Variants in ROBO1 observed in about 807,000 individuals in gnomAD.
ROBO1 encodes the protein roundabout guidance receptor 1, also known as roundabout homolog 1.
Under a neutral mutation model 195.9 loss-of-function variants are expected in ROBO1, and 149 were observed. The observed-to-expected ratio is 0.76, with a 90% confidence interval of 0.67 to 0.87. The LOEUF (loss-of-function observed/expected upper bound fraction) is 0.87. Ranked by LOEUF, ROBO1 falls within the 40% of genes least tolerant of loss-of-function variation. The probability of loss-of-function intolerance (pLI) is 0.00; values close to 1 mark genes in which losing one functional copy is unlikely to be tolerated. For synonymous variants in ROBO1, 816 were observed against 733.2 expected (o/e 1.11, Z -1.82); for missense variants, 1,933 against 2,068.3 (o/e 0.93, Z 1.27).
In ROBO1 at chr3:78,946,282, G is replaced by A. The variant is rs190991628; in HGVS notation, c.173-7355C>T. ...AAGGGCAGCCAGGGAGAAAGGTCGG[G>A]TTACCCACAAAGGGAAGCCCACCAG... is the stretch of plus-strand genomic sequence containing the variant. On this transcript the variant is annotated intron_variant, in intron 3 of 30. Transcript: ENST00000464233. Among the ~76,000 whole-genome samples the A allele has an allele frequency of 4.3e-4, 65 of 152,258 alleles. 1 individual carries two copies. The East Asian group carries it at 0.012, about 28-fold the overall frequency.
intron 1 of ROBO1, among the ~76,000 whole-genome samples, chr3:79,694,325 TTA>T (rs1188829506): frequency 6.6e-6 from 1 of 151,842 alleles, no homozygotes; most frequent in African/African-American, 2.4e-5. Context: ...GCCTATTTAC[TTA>T]TCTCTTTTAG....
chr3:78,679,807 T>C (rs536494200), intron 10 of ROBO1, among the ~76,000 whole-genome samples: 1 of 152,052 alleles, frequency 6.6e-6, no homozygotes. Context: ...CCAATGACTT[T>C]CCTCACAGAA....
At chr3:79,745,913 T>C (rs1266268122) in intron 1 of ROBO1, among the ~76,000 whole-genome samples, 6 of 152,146 alleles carry the variant, frequency 3.9e-5, no homozygotes, top group Admixed American at 3.9e-4. Flanking sequence ...TTTATTCATA[T>C]AATTATATGT....
chr3:78,668,581 A>G lies in ROBO1; in HGVS notation c.1549-16T>C. The G allele has an allele frequency of 6.2e-7, 1 of 1,611,950 alleles. No homozygotes were observed. The highest frequency in any genetic ancestry group is 1.7e-4 in the Middle Eastern group (1 of 6,054). On this transcript the variant is annotated splice_polypyrimidine_tract_variant and intron_variant, in intron 11 of 30. Transcript: ENST00000464233. ...TATCACCCAGCTGAGAAGGCAGACA[A>G]AAAATAAATATTTGGAAAAATCAAG... is the stretch of plus-strand genomic sequence containing the variant.
At chr3:78,884,809 G>A (rs2036440870) in intron 4 of ROBO1, among the ~76,000 whole-genome samples, 1 of 151,696 alleles carries the variant, frequency 6.6e-6, no homozygotes, top group Non-Finnish European at 1.5e-5. Context: ...TTCCTGGATT[G>A]AGATAATAAC....
rs928805776 is a variant in ROBO1 at position 79,485,226 on chromosome 3, G to A, written c.88+104598C>T. Among the ~76,000 whole-genome samples the A allele has an allele frequency of 3.3e-5, 5 of 151,970 alleles. No homozygotes were observed. In the East Asian group the frequency reaches 9.6e-4, roughly 29 times the overall value. On this transcript the variant is annotated intron_variant, in intron 2 of 30. Transcript: ENST00000464233. ...TGCATGAGTGCTTTGGATAAAATAA[G>A]ACATTTTATTAATTCTTTTGTTAGT...
chr3:78,621,065 C>A (rs1704429229), intron 26 of ROBO1, among the ~76,000 whole-genome samples: 2 of 151,192 alleles, frequency 1.3e-5, no homozygotes, highest in African/African-American at 4.9e-5. Context: ...ACACAACATT[C>A]TTTAATATAA....
chr3:79,197,755 A>G (rs1319535912), intron 2 of ROBO1, among the ~76,000 whole-genome samples: 1 of 151,824 alleles, frequency 6.6e-6, no homozygotes, highest in Non-Finnish European at 1.5e-5. Flanking sequence ...ATGATATCTT[A>G]TTGTGGTTTT....
intron 2 of ROBO1, among the ~76,000 whole-genome samples, chr3:79,516,922 T>A (rs1940970871): frequency 6.6e-6 from 1 of 152,174 alleles, no homozygotes; most frequent in African/African-American, 2.4e-5. Context: ...GCAATACCAA[T>A]TTATACTCCC....
At chr3:79,044,202 T>C (rs2078546847) in intron 3 of ROBO1, among the ~76,000 whole-genome samples, 1 of 152,008 alleles carries the variant, frequency 6.6e-6, no homozygotes, top group African/African-American at 2.4e-5. Flanking sequence ...AGCCTGCAGT[T>C]AAAGCCATTC....
chr3:79,682,792 G>C (rs1377436057), intron 1 of ROBO1, among the ~76,000 whole-genome samples: 1 of 151,904 alleles, frequency 6.6e-6, no homozygotes, highest in Non-Finnish European at 1.5e-5. Context: ...CATTTTTTAG[G>C]TATTAAATAA....
intron 3 of ROBO1, among the ~76,000 whole-genome samples, chr3:79,094,425 C>T (rs1576665981): frequency 2.0e-5 from 3 of 152,084 alleles, no homozygotes; most frequent in East Asian, 1.9e-4. Flanking sequence ...ATCATAAGTA[C>T]TGCATGGACA....
At chr3:79,444,812 G>T (rs1191028491) in intron 2 of ROBO1, among the ~76,000 whole-genome samples, 2 of 151,994 alleles carry the variant, frequency 1.3e-5, no homozygotes, top group Non-Finnish European at 2.9e-5. Flanking sequence ...TAACATAAAT[G>T]AATATCACTA....
At chr3:78,961,692 C>T (rs2041355262) in intron 3 of ROBO1, among the ~76,000 whole-genome samples, 1 of 152,166 alleles carries the variant, frequency 6.6e-6, no homozygotes, top group Non-Finnish European at 1.5e-5. Context: ...CTCCTACAGT[C>T]TGTTCCAGAA....
chr3:79,696,156 T>C (rs1947441864), intron 1 of ROBO1, among the ~76,000 whole-genome samples: 1 of 151,472 alleles, frequency 6.6e-6, no homozygotes. Context: ...ATTTCAATTG[T>C]ATATTTTTGT....
At chr3:79,337,454 C>G (rs2034725767) in intron 2 of ROBO1, among the ~76,000 whole-genome samples, 1 of 152,152 alleles carries the variant, frequency 6.6e-6, no homozygotes, top group African/African-American at 2.4e-5. Flanking sequence ...TCACTTGGCC[C>G]TCACTTCTCT....
At chr3:79,322,537 C>A (rs2034026663) in intron 2 of ROBO1, among the ~76,000 whole-genome samples, 1 of 152,096 alleles carries the variant, frequency 6.6e-6, no homozygotes, top group Admixed American at 6.5e-5. Context: ...CTGACAAATG[C>A]CTTACCTGCT....
At chr3:78,700,183 T>G (rs2081388215) in intron 8 of ROBO1, among the ~76,000 whole-genome samples, 1 of 152,172 alleles carries the variant, frequency 6.6e-6, no homozygotes, top group African/African-American at 2.4e-5. Context: ...AATAGCCCAG[T>G]TGAAAGCACT....
intron 2 of ROBO1, among the ~76,000 whole-genome samples, chr3:79,334,265 T>C (rs1576989352): frequency 6.9e-6 from 1 of 145,910 alleles, no homozygotes; most frequent in Non-Finnish European, 1.5e-5. Context: ...ATCGCACCAC[T>C]GAACTCCAGC....
Sources: allele counts gnomAD v4.1 joint callset (sites outside exome capture counted in the v4.1 genomes callset), GRCh38; gene constraint gnomAD v4.1.1; transcripts MANE v1.5; gene names NCBI Gene and HGNC (gene_info 2026-07-23, HGNC 2026-07-21).